EPHB1: variants seen among roughly 807,000 people sequenced by gnomAD.
EPHB1 encodes ephrin type-B receptor 1.
Under a neutral mutation model 94.4 loss-of-function variants are expected in EPHB1, and 30 were observed. The observed-to-expected ratio is 0.32, with a 90% confidence interval of 0.24 to 0.43. The LOEUF (loss-of-function observed/expected upper bound fraction) is 0.43, where lower values mean the gene tolerates loss of function less well. Ranked by LOEUF, EPHB1 falls within the 20% of genes least tolerant of loss-of-function variation. The probability of loss-of-function intolerance (pLI) is 1.00; values close to 1 mark genes in which losing one functional copy is unlikely to be tolerated. For synonymous variants in EPHB1, 522 were observed against 489.1 expected (o/e 1.07, Z -0.89); for missense variants, 1,055 against 1,308.3 (o/e 0.81, Z 2.99).
intron 3 of EPHB1, among the ~76,000 whole-genome samples, chr3:134,970,245 GT>G (rs1406574165): frequency 6.6e-6 from 1 of 152,094 alleles, no homozygotes; most frequent in Non-Finnish European, 1.5e-5. Context: ...AAAGTTTTAT[GT>G]TTTACACTTA....
At chr3:134,888,858 A>G (rs1409403402) in intron 1 of EPHB1, among the ~76,000 whole-genome samples, 1 of 152,112 alleles carries the variant, frequency 6.6e-6, no homozygotes, top group Non-Finnish European at 1.5e-5. Flanking sequence ...AGCCATGGGC[A>G]AGGTGGACAC....
chr3:134,981,894 G>T (rs1317631427), intron 3 of EPHB1, among the ~76,000 whole-genome samples: 1 of 152,170 alleles, frequency 6.6e-6, no homozygotes, highest in East Asian at 1.9e-4. Flanking sequence ...AGTCCTTGAT[G>T]GTGGAGCATA....
intron 3 of EPHB1, among the ~76,000 whole-genome samples, chr3:135,046,102 G>A (rs1239917966): frequency 6.6e-6 from 1 of 152,146 alleles, no homozygotes; most frequent in Non-Finnish European, 1.5e-5. Context: ...TTGCAATGCT[G>A]TAAAACCCAG....
intron 9 of EPHB1, among the ~76,000 whole-genome samples, chr3:135,175,065 A>G (rs1176566061): frequency 6.6e-6 from 1 of 152,176 alleles, no homozygotes; most frequent in African/African-American, 2.4e-5. Flanking sequence ...AGGCCTGGAT[A>G]GAAGCATTCA....
At chr3:134,887,707 G>T (rs757541731) in intron 1 of EPHB1, among the ~76,000 whole-genome samples, 3 of 152,182 alleles carry the variant, frequency 2.0e-5, no homozygotes, top group Non-Finnish European at 4.4e-5. Context: ...ATCACTGTAG[G>T]ATGATTCATT....
intron 1 of EPHB1, among the ~76,000 whole-genome samples, chr3:134,886,966 G>A (rs138148078): frequency 2.0e-5 from 3 of 152,092 alleles, no homozygotes; most frequent in South Asian, 4.1e-4. Flanking sequence ...TAGGGAAATA[G>A]GAAAAAAAAT....
intron 1 of EPHB1, among the ~76,000 whole-genome samples, chr3:134,920,473 T>G (rs1366119973): frequency 6.6e-6 from 1 of 152,164 alleles, no homozygotes; most frequent in Non-Finnish European, 1.5e-5. Flanking sequence ...CTGTCCTGCT[T>G]GAAAGGTCTG....
intron 1 of EPHB1, among the ~76,000 whole-genome samples, chr3:134,824,125 CTTTTTTTT>C (rs373504139): frequency 3.3e-3 from 328 of 100,790 alleles, no homozygotes; most frequent in African/African-American, 4.5e-3. Flanking sequence ...GGATAATGCC[CTTTTTTTT>C]TTTTTTTTTT....
intron 3 of EPHB1, among the ~76,000 whole-genome samples, chr3:135,080,733 C>T (rs1938135423): frequency 6.6e-6 from 1 of 152,116 alleles, no homozygotes; most frequent in Non-Finnish European, 1.5e-5. Flanking sequence ...GGGTGAGCTA[C>T]TTAACCTCTC....
intron 1 of EPHB1, among the ~76,000 whole-genome samples, chr3:134,797,243 A>G (rs933875330): frequency 6.6e-6 from 1 of 152,052 alleles, no homozygotes; most frequent in Non-Finnish European, 1.5e-5. Flanking sequence ...CGTGCAGGAG[A>G]AGACTGGAGC....
intron 1 of EPHB1, among the ~76,000 whole-genome samples, chr3:134,844,435 A>C (rs6793813): frequency 0.25 from 37,767 of 152,050 alleles, 5,661 homozygotes; most frequent in African/African-American, 0.42. Flanking sequence ...TCCTCTCTGG[A>C]CTTAATTGGG....
chr3:135,018,466 A>T (rs370613655), intron 3 of EPHB1, among the ~76,000 whole-genome samples: 14 of 151,994 alleles, frequency 9.2e-5, no homozygotes, highest in East Asian at 3.9e-4. Context: ...ACCAGCTCAG[A>T]TGTCACCTTC....
intron 1 of EPHB1, among the ~76,000 whole-genome samples, chr3:134,902,603 G>A (rs772303689): frequency 2.6e-5 from 4 of 152,184 alleles, no homozygotes; most frequent in Non-Finnish European, 4.4e-5. Context: ...CTCATTAGCT[G>A]GTACAGCAGG....
At chr3:135,016,683 G>A (rs1210886508) in intron 3 of EPHB1, among the ~76,000 whole-genome samples, 1 of 152,198 alleles carries the variant, frequency 6.6e-6, no homozygotes, top group Non-Finnish European at 1.5e-5. Context: ...GGTCTGGCTG[G>A]CCAGGTGAGC....
chr3:134,798,633 A>G (rs1044855849), intron 1 of EPHB1, among the ~76,000 whole-genome samples: 45 of 152,198 alleles, frequency 3.0e-4, no homozygotes, highest in Non-Finnish European at 6.5e-4. Context: ...CCTTCTGGAC[A>G]CAAAGCCAGG....
At chr3:134,998,283 C>A (rs894922703) in intron 3 of EPHB1, among the ~76,000 whole-genome samples, 3 of 152,218 alleles carry the variant, frequency 2.0e-5, no homozygotes, top group African/African-American at 7.2e-5. Flanking sequence ...TGCACCATTT[C>A]TAGTCCTTGG....
At chr3:134,958,069 A>T (rs1315263999) in intron 3 of EPHB1, among the ~76,000 whole-genome samples, 2 of 151,952 alleles carry the variant, frequency 1.3e-5, no homozygotes, top group African/African-American at 4.8e-5. Flanking sequence ...CTGCTTCTTC[A>T]TTCCTCCGCC....
chr3:135,196,937 T>C (rs1308983834), intron 11 of EPHB1, among the ~76,000 whole-genome samples: 1 of 152,066 alleles, frequency 6.6e-6, no homozygotes, highest in Non-Finnish European at 1.5e-5. Context: ...TTCAAGGGAT[T>C]CAACCTGGTG....
At chr3:135,170,512 T>C (rs1005709995) in intron 9 of EPHB1, among the ~76,000 whole-genome samples, 1 of 21,606 alleles carries the variant, frequency 4.6e-5, no homozygotes. Context: ...GGTGGGAGGG[T>C]GGGGATGTGG....
Sources: allele counts gnomAD v4.1 joint callset (sites outside exome capture counted in the v4.1 genomes callset), GRCh38; gene constraint gnomAD v4.1.1; transcripts MANE v1.5; gene names NCBI Gene and HGNC (gene_info 2026-07-23, HGNC 2026-07-21).